NDST1: variants seen among roughly 807,000 people sequenced by gnomAD.
The protein encoded by NDST1 is bifunctional heparan sulfate N-deacetylase/N-sulfotransferase 1.
A neutral mutation model predicts 92.8 loss-of-function variants in NDST1; 35 were observed. The ratio of observed to expected loss-of-function variants is 0.38; its 90% CI spans 0.29 to 0.50. The LOEUF (loss-of-function observed/expected upper bound fraction) is 0.50, where lower values mean the gene tolerates loss of function less well. Among genes scored for constraint, NDST1 ranks in the 20% least tolerant of loss-of-function variants. The pLI is 0.94. For synonymous variants in NDST1, 493 were observed against 500.3 expected (o/e 0.99, Z 0.19); for missense variants, 822 against 1,182.7 (o/e 0.69, Z 4.47).
chr5:150,510,901 T>C (rs1753691529), intron 1 of NDST1, among the ~76,000 whole-genome samples: 1 of 152,144 alleles, frequency 6.6e-6, no homozygotes, highest in Non-Finnish European at 1.5e-5. Context: ...CAGAAAACTA[T>C]TGAAAAGGAA....
chr5:150,502,677 C>T (rs189065406), intron 1 of NDST1, among the ~76,000 whole-genome samples: 1 of 152,260 alleles, frequency 6.6e-6, no homozygotes, highest in East Asian at 1.9e-4. Flanking sequence ...CTCTGCAAAC[C>T]TCCCTCTGCT....
At chr5:150,504,372 C>G (rs1753359973), upstream of NDST1, among the ~76,000 whole-genome samples, 1 of 152,312 alleles carries the variant, frequency 6.6e-6, no homozygotes, top group East Asian at 1.9e-4. Context: ...ACAAGGCCGC[C>G]TCCCTCATAT....
At chr5:150,499,361 T>A (rs1382962306) in intron 1 of NDST1, among the ~76,000 whole-genome samples, 2 of 152,198 alleles carry the variant, frequency 1.3e-5, no homozygotes, top group Non-Finnish European at 2.9e-5. Flanking sequence ...AGCCAGCCAT[T>A]TCATATGCTT....
At chr5:150,549,954 A>G (rs1395200618) in intron 13 of NDST1, among the ~76,000 whole-genome samples, 167 bp downstream of exon 13, 1 of 152,144 alleles carries the variant, frequency 6.6e-6, no homozygotes, top group Admixed American at 6.6e-5. Context: ...TCACCTTAAA[A>G]AAAAGGGAGA....
intron 1 of NDST1, among the ~76,000 whole-genome samples, chr5:150,501,918 GC>G (rs1450843652): frequency 1.3e-5 from 2 of 152,168 alleles, no homozygotes; most frequent in African/African-American, 4.8e-5. Flanking sequence ...CGGGAGGGTG[GC>G]CCACGGGAAA....
chr5:150,506,921 G>A (rs1753485660), upstream of NDST1, among the ~76,000 whole-genome samples: 1 of 152,212 alleles, frequency 6.6e-6, no homozygotes, highest in Non-Finnish European at 1.5e-5. Flanking sequence ...GGCTCCAGAT[G>A]GCTCAAAGCT....
chr5:150,515,294 T>C (rs1263287582), intron 1 of NDST1, among the ~76,000 whole-genome samples: 1 of 152,234 alleles, frequency 6.6e-6, no homozygotes, highest in African/African-American at 2.4e-5. Flanking sequence ...TTGCCCTCTT[T>C]AGAGACAAGT....
intron 1 of NDST1, among the ~76,000 whole-genome samples, chr5:150,498,992 C>G (rs1227390614): frequency 6.6e-6 from 1 of 152,190 alleles, no homozygotes; most frequent in African/African-American, 2.4e-5. Flanking sequence ...CACTCCCTAT[C>G]CAGGATTCCT....
intron 3 of NDST1, 21 bp downstream of exon 3, chr5:150,528,319 C>T (rs376671565): frequency 6.4e-7 from 1 of 1,563,880 alleles, no homozygotes; most frequent in Non-Finnish European, 8.7e-7. Context: ...GGGTGCTAGA[C>T]CGGGCAAGGC....
In NDST1 at chr5:150,534,796, C is replaced by T. The variant is rs998973189; in HGVS notation, c.1097-71C>T. The T allele has an allele frequency of 6.6e-5, 105 of 1,598,666 alleles. 1 individual carries two copies. The highest frequency in any genetic ancestry group is 1.8e-4 in the Admixed American group (11 of 59,968). ...TGGGCTCTGGCCATGCTCTCCCATCCCCAGGCACAGGCCCAGGTTAGAGGG... is the reference window on the plus strand; with the variant it reads ...TGGGCTCTGGCCATGCTCTCCCATCTCCAGGCACAGGCCCAGGTTAGAGGG... On this transcript the variant is annotated intron_variant, in intron 4 of 14. Transcript: ENST00000261797.
chr5:150,549,883 TAGTTAG>T, intron 13 of NDST1, 96 bp downstream of exon 13: 1 of 715,984 alleles, frequency 1.4e-6, no homozygotes, highest in Non-Finnish European at 2.4e-6. Flanking sequence ...AGAGAGAAGT[TAGTTAG>T]AGTCAGAAAG....
At position 150,521,008 on chromosome 5, in the gene NDST1, T is replaced by G; in HGVS notation, c.-247T>G. The stretch of plus-strand genomic sequence containing the variant: ...TGCTCTGCACAGGACCACGCGGGGG[T>G]TTGCCATGGTGACATAAAGGGGCGC... On this transcript the variant is annotated 5_prime_UTR_variant, in exon 2 of 15. Transcript: ENST00000261797. The surrounding 1 kb of genome is among the most constrained non-coding windows in gnomAD (Gnocchi z 5.9). The G allele has an allele frequency of 5.1e-6, 3 of 593,458 alleles. No homozygotes were observed. The highest frequency in any genetic ancestry group is 2.1e-5 in the South Asian group (1 of 48,516). 36.8% of individuals were successfully genotyped at this position (593,458 alleles called of 1,614,324 possible). A position where few individuals can be genotyped will look rare whatever the true frequency, so the allele number is the denominator to read the frequency against.
At position 150,556,644 on chromosome 5, in the gene NDST1, C is replaced by T. The variant is rs1755874888; in HGVS notation, c.*3312C>T. 1 of 152,216 alleles carries T rather than the reference C, an allele frequency of 6.6e-6. No individual in the cohort carries two copies. The highest frequency in any genetic ancestry group is 6.5e-5 in the Admixed American group (1 of 15,284). 9.4% of individuals were successfully genotyped at this position (152,216 alleles called of 1,614,324 possible). On this transcript the variant is annotated 3_prime_UTR_variant, in exon 15 of 15. Transcript: ENST00000261797. ...TCTGTCCTAATTTAAAAGTACATTGCAAACATCATGAAACTTGATCCCTGA... is the reference window on the plus strand; with the variant it reads ...TCTGTCCTAATTTAAAAGTACATTGTAAACATCATGAAACTTGATCCCTGA...
chr5:150,532,235 TA>T (rs1448303997), intron 3 of NDST1, among the ~76,000 whole-genome samples: 2 of 152,242 alleles, frequency 1.3e-5, no homozygotes, highest in Admixed American at 6.5e-5. Context: ...GCCTCCCGAA[TA>T]GCTGGCATAC....
intron 10 of NDST1, among the ~76,000 whole-genome samples, chr5:150,544,839 TC>T (rs1458904941): frequency 2.0e-5 from 3 of 152,006 alleles, no homozygotes; most frequent in Admixed American, 1.3e-4. Context: ...TAGAAGGTGT[TC>T]CCCCAGGTCA....
chr5:150,533,877 G>A (rs1162257039), intron 4 of NDST1, among the ~76,000 whole-genome samples: 1 of 151,960 alleles, frequency 6.6e-6, no homozygotes, highest in Non-Finnish European at 1.5e-5. Flanking sequence ...GAGGTCAGGA[G>A]TTCAGGACTA....
intron 2 of NDST1, 73 bp from the exon 3 acceptor site, chr5:150,527,731 T>C: frequency 6.3e-7 from 1 of 1,598,224 alleles, no homozygotes; most frequent in Non-Finnish European, 8.5e-7. Context: ...ATGGTCCACA[T>C]GTGAGAGACT....
rs1303678681 is a variant in NDST1, at chr5:150,554,207, C to A, written c.*875C>A. The A allele has an allele frequency of 6.3e-5, 25 of 398,502 alleles. No individual in the cohort carries two copies. The East Asian group carries it at 8.9e-4, about 14-fold the overall frequency. The allele number at this position is 398,502 out of a possible 1,614,324, so 24.7% of individuals were successfully genotyped here. ...TGCCAGCCACGGCTTTGCTTAGCCACCTGTGGCCGAGGGCTCTCAGAGACC... is the reference window on the plus strand; with the variant it reads ...TGCCAGCCACGGCTTTGCTTAGCCAACTGTGGCCGAGGGCTCTCAGAGACC... On this transcript the variant is annotated 3_prime_UTR_variant, in exon 15 of 15. Transcript: ENST00000261797.
Position 150,554,582 on chromosome 5 carries a change from G to A in NDST1, c.*1250G>A, listed in dbSNP as rs1168329159. 2 of 152,590 alleles carry A rather than the reference G, an allele frequency of 1.3e-5. No homozygotes were observed. Among genetic ancestry groups the A allele is most frequent in the African/African-American group, 4.8e-5 (2 of 41,426 alleles). 9.5% of individuals were successfully genotyped at this position (152,590 alleles called of 1,614,324 possible). ...TCTGGGGCTACCCCAGGTGAACAGA[G>A]GTGGTGAGATGCGCAGGGAAGACCA... On this transcript the variant is annotated 3_prime_UTR_variant, in exon 15 of 15. Transcript: ENST00000261797.
Sources: allele counts gnomAD v4.1 joint callset (sites outside exome capture counted in the v4.1 genomes callset), GRCh38; gene constraint gnomAD v4.1.1; non-coding constraint Gnocchi (gnomAD v3.1); transcripts MANE v1.5; gene names NCBI Gene and HGNC (gene_info 2026-07-23, HGNC 2026-07-21).